The following SMYD3 variants were observed in gnomAD, a reference collection of about 807,000 sequenced individuals.
SMYD3 encodes histone-lysine N-methyltransferase SMYD3.
SMYD3 carries 36 observed loss-of-function variants against 57.7 expected under a neutral mutation model. The observed-to-expected ratio is 0.62, with a 90% CI of 0.48 to 0.82. The LOEUF is 0.82. SMYD3 is among the 40% of genes least tolerant of loss of function. The probability of loss-of-function intolerance (pLI) is 0.00; values close to 1 mark genes in which losing one functional copy is unlikely to be tolerated. For missense variants in SMYD3, 515 were observed against 538.8 expected, an observed-to-expected ratio of 0.96 and a Z score of 0.44; for synonymous variants, 211 against 195.0, an observed-to-expected ratio of 1.08 and a Z score of -0.68.
chr1:245,754,396 A>G (rs1235780051), intron 11 of SMYD3, among the ~76,000 whole-genome samples: 2 of 152,210 alleles, frequency 1.3e-5, no homozygotes, highest in Non-Finnish European at 2.9e-5. Context: ...ATGCATGATA[A>G]GAACCCCTGG....
intron 5 of SMYD3, among the ~76,000 whole-genome samples, chr1:246,172,284 T>C: frequency 6.6e-6 from 1 of 150,810 alleles, no homozygotes; most frequent in Non-Finnish European, 1.5e-5. Flanking sequence ...TGTTCTCTAC[T>C]GCAGACTATC....
intron 5 of SMYD3, among the ~76,000 whole-genome samples, chr1:246,209,219 T>A (rs1477224535): frequency 6.6e-6 from 1 of 152,102 alleles, no homozygotes; most frequent in Admixed American, 6.6e-5. Flanking sequence ...AAGAACGAGG[T>A]CAGAAATGGC....
At chr1:246,132,677 T>C (rs545266591) in intron 5 of SMYD3, among the ~76,000 whole-genome samples, 1 of 152,092 alleles carries the variant, frequency 6.6e-6, no homozygotes, top group East Asian at 1.9e-4. Context: ...AAGAACACAA[T>C]CAACATTGTG....
At chr1:246,182,443 T>C (rs1210409645) in intron 5 of SMYD3, among the ~76,000 whole-genome samples, 3 of 152,058 alleles carry the variant, frequency 2.0e-5, no homozygotes, top group Non-Finnish European at 4.4e-5. Context: ...TCCCACACAG[T>C]AAAAAGGACA....
rs1172523999 is a variant in SMYD3, at chr1:246,495,343, C to T, written c.164+11711G>A. On this transcript the variant is annotated intron_variant, in intron 1 of 11. Coordinates refer to ENST00000490107, the MANE Select transcript of SMYD3 (RefSeq NM_001167740.2). ...CAGCCTGGGTGACAGAGCAAGACTC[C>T]GTCTCAAAAAAAAAAAAAAAAAAAA... Among the ~76,000 whole-genome samples, 11 of 107,604 alleles carry T rather than the reference C, an allele frequency of 1.0e-4. No homozygotes were observed. The South Asian group carries it at 1.3e-3, about 13-fold the overall frequency. The allele number at this position is 107,604 out of a possible 152,430, so 70.6% of individuals were successfully genotyped here.
intron 5 of SMYD3, among the ~76,000 whole-genome samples, chr1:245,997,449 T>C (rs539145283): frequency 2.8e-4 from 43 of 152,324 alleles, no homozygotes; most frequent in African/African-American, 5.3e-4. Flanking sequence ...ATGCTTCTGA[T>C]AGACATTATT....
intron 8 of SMYD3, among the ~76,000 whole-genome samples, chr1:245,897,577 C>T (rs1401219908): frequency 6.6e-6 from 1 of 152,106 alleles, no homozygotes; most frequent in East Asian, 1.9e-4. Context: ...ATTTTTCACG[C>T]TTCTAGTTAC....
intron 5 of SMYD3, among the ~76,000 whole-genome samples, chr1:246,260,907 G>A (rs541483560): frequency 3.7e-4 from 56 of 152,294 alleles, no homozygotes; most frequent in African/African-American, 1.3e-3. Context: ...GAAACAGCTT[G>A]TAGAGTGACC....
At chr1:245,762,906 G>A (rs2148049455) in intron 11 of SMYD3, among the ~76,000 whole-genome samples, 1 of 152,270 alleles carries the variant, frequency 6.6e-6, no homozygotes, top group Admixed American at 6.5e-5. Flanking sequence ...CTGTTAAAGT[G>A]TCAAGCGCTT....
intron 5 of SMYD3, among the ~76,000 whole-genome samples, chr1:246,028,237 G>T (rs2059610125): frequency 6.6e-6 from 1 of 152,136 alleles, no homozygotes; most frequent in African/African-American, 2.4e-5. Context: ...GGAAGTCCTA[G>T]TCAGAGCAAC....
chr1:246,225,871 A>G (rs991714883), intron 5 of SMYD3, among the ~76,000 whole-genome samples: 1 of 152,222 alleles, frequency 6.6e-6, no homozygotes, highest in African/African-American at 2.4e-5. Context: ...ATATTACAAG[A>G]TTGCAAGGCT....
intron 11 of SMYD3, among the ~76,000 whole-genome samples, chr1:245,750,340 G>A (rs2045285265): frequency 6.6e-6 from 1 of 152,148 alleles, no homozygotes; most frequent in Admixed American, 6.5e-5. Flanking sequence ...GAGACTCCAT[G>A]CTGCAAGGAA....
At position 246,330,155 on chromosome 1, in the gene SMYD3, G is replaced by A. The variant is rs547643669; in HGVS notation, c.394+325C>T. Among the ~76,000 whole-genome samples the A allele has an allele frequency of 1.7e-4, 26 of 152,082 alleles. No individual in the cohort carries two copies. In the East Asian group the frequency reaches 5.0e-3, roughly 29 times the overall value. The stretch of plus-strand genomic sequence containing the variant: ...AATCACTCTTCTCTGACATCAAAAA[G>A]AAAACAGAACAGGAAACCAAGAGAC... On this transcript the variant is annotated intron_variant, in intron 4 of 11. Coordinates refer to ENST00000490107, the MANE Select transcript of SMYD3 (RefSeq NM_001167740.2).
At chr1:246,340,165 G>C (rs536843903) in intron 2 of SMYD3, among the ~76,000 whole-genome samples, 1 of 150,720 alleles carries the variant, frequency 6.6e-6, no homozygotes. Context: ...AATAAATATT[G>C]TATAATATTA....
chr1:246,352,834 A>C (rs922089355), intron 2 of SMYD3, among the ~76,000 whole-genome samples: 1 of 152,210 alleles, frequency 6.6e-6, no homozygotes, highest in Non-Finnish European at 1.5e-5. Context: ...GTCACAAAAC[A>C]GGGGAAAAAA....
At chr1:246,186,989 T>G (rs2062651093) in intron 5 of SMYD3, 1 of 936,676 alleles carries the variant, frequency 1.1e-6, no homozygotes. Flanking sequence ...GAAGAAATGG[T>G]CTGCTACACA....
chr1:245,966,773 G>T (rs377642252), intron 5 of SMYD3, among the ~76,000 whole-genome samples: 9 of 152,242 alleles, frequency 5.9e-5, no homozygotes, highest in African/African-American at 2.2e-4. Context: ...TCCAGAAACC[G>T]TCACTCTGAA....
chr1:246,278,869 A>T (rs2064387709), intron 5 of SMYD3, among the ~76,000 whole-genome samples: 1 of 152,256 alleles, frequency 6.6e-6, no homozygotes, highest in African/African-American at 2.4e-5. Context: ...ATGGTTAAAA[A>T]GAAAAAACAA....
intron 5 of SMYD3, among the ~76,000 whole-genome samples, chr1:246,154,842 T>C (rs10924522): frequency 0.1 from 15,067 of 151,290 alleles, 1,018 homozygotes; most frequent in South Asian, 0.24. Flanking sequence ...AGTGCACTGG[T>C]GCAATTTTGG....
Sources: allele counts gnomAD v4.1 joint callset (sites outside exome capture counted in the v4.1 genomes callset), GRCh38; gene constraint gnomAD v4.1.1; transcripts MANE v1.5; gene names NCBI Gene and HGNC (gene_info 2026-07-23, HGNC 2026-07-21).